Variants in RSPH1 observed in about 807,000 individuals in gnomAD.
RSPH1 encodes the protein radial spoke head component 1.
RSPH1 carries 32 observed loss-of-function variants against 44.2 expected under a neutral mutation model. The ratio of observed to expected loss-of-function variants is 0.72; its 90% confidence interval spans 0.55 to 0.97. The LOEUF (loss-of-function observed/expected upper bound fraction) is 0.97. RSPH1 is among the 50% of genes least tolerant of loss of function. The pLI is 0.00. For synonymous variants in RSPH1, 134 were observed against 147.3 expected, an observed-to-expected ratio of 0.91 and a Z score of 0.65; for missense variants, 391 against 398.7, an observed-to-expected ratio of 0.98 and a Z score of 0.16.
intron 6 of RSPH1, among the ~76,000 whole-genome samples, chr21:42,479,422 T>A (rs114989490): frequency 7.3e-4 from 111 of 152,362 alleles, no homozygotes; most frequent in African/African-American, 2.4e-3. Flanking sequence ...CTTCTTCTCA[T>A]CATCCTGAAA....
chr21:42,490,695 C>T (rs1051810797), intron 3 of RSPH1, among the ~76,000 whole-genome samples: 24 of 152,082 alleles, frequency 1.6e-4, no homozygotes, highest in African/African-American at 5.8e-4. Context: ...CTCCTAAAAC[C>T]CTTGACATTT....
chr21:42,491,123 T>A (rs1169484756), intron 3 of RSPH1, among the ~76,000 whole-genome samples: 1 of 152,198 alleles, frequency 6.6e-6, no homozygotes, highest in Non-Finnish European at 1.5e-5. Context: ...TATGAGCCGC[T>A]ATGGCACATT....
intron 6 of RSPH1, among the ~76,000 whole-genome samples, chr21:42,480,113 C>T (rs2054111038): frequency 6.6e-6 from 1 of 152,092 alleles, no homozygotes; most frequent in Admixed American, 6.6e-5. Flanking sequence ...ACTAAATAAC[C>T]ATGGCCAGAG....
chr21:42,478,369 A>G (rs1208352970), intron 6 of RSPH1, among the ~76,000 whole-genome samples: 1 of 152,230 alleles, frequency 6.6e-6, no homozygotes, highest in African/African-American at 2.4e-5. Flanking sequence ...GGTGACACCA[A>G]TGCTGCAGGA....
At chr21:42,485,482 C>T in intron 5 of RSPH1, 187 bp downstream of exon 5, 2 of 639,818 alleles carry the variant, frequency 3.1e-6, no homozygotes, top group South Asian at 4.0e-5. Context: ...CCCTCCCTTC[C>T]CCCAATTCTG....
chr21:42,478,739 T>G (rs576513921), intron 6 of RSPH1, among the ~76,000 whole-genome samples: 1 of 152,366 alleles, frequency 6.6e-6, no homozygotes, highest in East Asian at 1.9e-4. Flanking sequence ...ACCAGATGCT[T>G]GCACACCAAT....
chr21:42,478,997 G>C (rs1219278735), intron 6 of RSPH1, among the ~76,000 whole-genome samples: 1 of 152,188 alleles, frequency 6.6e-6, no homozygotes, highest in Non-Finnish European at 1.5e-5. Flanking sequence ...TGCTTAATAG[G>C]TACAGAGTTT....
intron 5 of RSPH1, among the ~76,000 whole-genome samples, chr21:42,483,693 T>C (rs1462854744): frequency 6.6e-6 from 1 of 152,216 alleles, no homozygotes; most frequent in Non-Finnish European, 1.5e-5. Context: ...CTAAACCTAT[T>C]GGTTTTTCCT....
chr21:42,489,925 C>A (rs149035163), intron 3 of RSPH1, among the ~76,000 whole-genome samples: 133 of 152,328 alleles, frequency 8.7e-4, no homozygotes, highest in African/African-American at 2.9e-3. Flanking sequence ...GTTATCATGT[C>A]ATTCTTCTTT....
At position 42,490,168 on chromosome 21, in the gene RSPH1, C is replaced by T. The variant is rs548317580; in HGVS notation, c.274+2590G>A. Among the ~76,000 whole-genome samples the T allele has an allele frequency of 2.0e-5, 3 of 152,050 alleles. 1 individual carries two copies. Among genetic ancestry groups the T allele is most frequent in the African/African-American group, 7.2e-5 (3 of 41,440 alleles). On this transcript the variant is annotated intron_variant, in intron 3 of 8. Coordinates refer to ENST00000291536, the MANE Select transcript of RSPH1 (RefSeq NM_080860.4). ...CCCCTAAAAACCTCGGCCTTCCTGCCTGTATCCAAGTCACCCGCCACCCAG... is the reference window on the plus strand; with the variant it reads ...CCCCTAAAAACCTCGGCCTTCCTGCTTGTATCCAAGTCACCCGCCACCCAG...
chr21:42,475,650 C>T (rs1283255061), intron 8 of RSPH1, among the ~76,000 whole-genome samples: 1 of 144,712 alleles, frequency 6.9e-6, no homozygotes, highest in Non-Finnish European at 1.5e-5. Flanking sequence ...GTCGGTCCTC[C>T]TGTGACAACG....
intron 6 of RSPH1, 79 bp downstream of exon 6, chr21:42,482,558 T>C: frequency 9.4e-7 from 1 of 1,067,442 alleles, no homozygotes; most frequent in Non-Finnish European, 1.4e-6. Flanking sequence ...GCGAATCACC[T>C]CCAACCTTGC....
chr21:42,492,820 T>C lies in RSPH1; in HGVS notation c.212A>G (p.Tyr71Cys), dbSNP rs1047978632. 4 of 1,613,434 alleles carry C rather than the reference T, an allele frequency of 2.5e-6. No individual in the cohort carries two copies. Among genetic ancestry groups the C allele is most frequent in the Non-Finnish European group, 1.7e-6 (2 of 1,179,420 alleles). ...FKNGARYIGE[Y>C]VRNKKHGQGT... ...TTGACCGTGCTTTTTATTTCTAACATATTCTCCGATATATCGAGCACCATT... is the reference window on the plus strand; with the variant it reads ...TTGACCGTGCTTTTTATTTCTAACACATTCTCCGATATATCGAGCACCATT... The change falls in exon 3 of 9, where the codon TAT becomes TGT. Residue 71 changes from tyrosine to cysteine, a missense_variant. Physicochemically the swap from Tyr to Cys is radical, Grantham distance 194. Coordinates refer to ENST00000291536, the MANE Select transcript of RSPH1 (RefSeq NM_080860.4).
intron 3 of RSPH1, among the ~76,000 whole-genome samples, chr21:42,490,897 C>T (rs2054229580): frequency 6.6e-6 from 1 of 152,112 alleles, no homozygotes; most frequent in African/African-American, 2.4e-5. Flanking sequence ...AGAGATTAAG[C>T]TCTGTAAAAA....
chr21:42,476,145 C>A, intron 7 of RSPH1, 98 bp from the exon 8 acceptor site: 2 of 1,196,264 alleles, frequency 1.7e-6, no homozygotes, highest in Middle Eastern at 4.0e-4. Flanking sequence ...GTGCCCCCAC[C>A]CTCCCCCTCC....
Position 42,494,030 on chromosome 21 carries a change from C to A in RSPH1, c.55-951G>T, listed in dbSNP as rs934906362. Among the ~76,000 whole-genome samples the A allele has an allele frequency of 2.0e-5, 3 of 152,320 alleles. No individual in the cohort carries two copies. In the South Asian group the frequency reaches 6.2e-4, roughly 32 times the overall value. On this transcript the variant is annotated intron_variant, in intron 1 of 8. Coordinates refer to ENST00000291536, the MANE Select transcript of RSPH1 (RefSeq NM_080860.4). ...AAAGTGCTGGAATTACAGGTATGAG[C>A]CACCATGCCTGCTCAATTATGTGTC...
intron 3 of RSPH1, among the ~76,000 whole-genome samples, chr21:42,491,240 G>C (rs74771331): frequency 6.6e-6 from 1 of 152,114 alleles, no homozygotes; most frequent in African/African-American, 2.4e-5. Context: ...CTGAAGTGGG[G>C]CAGTCTTGGA....
At chr21:42,481,924 A>G (rs1392443755) in intron 6 of RSPH1, among the ~76,000 whole-genome samples, 2 of 152,198 alleles carry the variant, frequency 1.3e-5, no homozygotes, top group Admixed American at 6.5e-5. Context: ...CAAGAGAAAG[A>G]CTTACCAACG....
At chr21:42,486,288 C>T in intron 4 of RSPH1, 83 bp downstream of exon 4, 1 of 1,030,614 alleles carries the variant, frequency 9.7e-7, no homozygotes, top group East Asian at 2.4e-5. Context: ...TGATTCTGTT[C>T]CTCAGTAAGT....
Sources: gnomAD v4.1 joint callset for allele counts (sites outside exome capture counted in the v4.1 genomes callset) on GRCh38, gnomAD v4.1.1 for gene constraint, MANE v1.5 for transcripts, NCBI Gene and HGNC (gene_info 2026-07-23, HGNC 2026-07-21) for gene names.